CAAP1: variants seen among roughly 807,000 people sequenced by gnomAD.
CAAP1 encodes conserved anti-apoptotic protein.
Under a neutral mutation model 34.0 loss-of-function variants are expected in CAAP1, and 20 were observed. That is an observed-to-expected ratio of 0.59 (90% CI 0.41 to 0.86). The LOEUF is 0.86. Among genes scored for constraint, CAAP1 ranks in the 40% least tolerant of loss-of-function variants. CAAP1 has a pLI of 0.00. For missense variants in CAAP1, 538 were observed against 450.5 expected, an observed-to-expected ratio of 1.19 and a Z score of -1.76; for synonymous variants, 213 against 166.7, an observed-to-expected ratio of 1.28 and a Z score of -2.14.
At chr9:26,848,007 T>C (rs533823570) in intron 5 of CAAP1, among the ~76,000 whole-genome samples, 50 of 152,342 alleles carry the variant, frequency 3.3e-4, no homozygotes, top group African/African-American at 1.1e-3. Context: ...GAGTTTGTCT[T>C]GGCTTAATTT....
intron 5 of CAAP1, among the ~76,000 whole-genome samples, chr9:26,844,423 G>A (rs540018084): frequency 2.8e-4 from 42 of 152,232 alleles, no homozygotes; most frequent in African/African-American, 1.0e-3. Flanking sequence ...GTGTCTCCGA[G>A]GCTTTACCTA....
At chr9:26,862,801 A>G (rs1207337146) in intron 4 of CAAP1, among the ~76,000 whole-genome samples, 1 of 152,168 alleles carries the variant, frequency 6.6e-6, no homozygotes, top group Non-Finnish European at 1.5e-5. Context: ...TCAATGTTAA[A>G]TTTACTCAAG....
chr9:26,866,347 C>G (rs371463448), intron 4 of CAAP1, among the ~76,000 whole-genome samples: 3 of 152,092 alleles, frequency 2.0e-5, no homozygotes, highest in African/African-American at 7.2e-5. Flanking sequence ...AATATGCTAC[C>G]ATTTGTGTGA....
At chr9:26,890,190 T>C (rs901589566) in intron 1 of CAAP1, among the ~76,000 whole-genome samples, 1 of 151,642 alleles carries the variant, frequency 6.6e-6, no homozygotes, top group African/African-American at 2.4e-5. Flanking sequence ...ACCAACATGG[T>C]GAAAACCTTA....
intron 4 of CAAP1, among the ~76,000 whole-genome samples, chr9:26,868,281 C>T (rs1342812171): frequency 6.6e-6 from 1 of 152,034 alleles, no homozygotes; most frequent in African/African-American, 2.4e-5. Flanking sequence ...TTCTGATGAG[C>T]CCAATGTGGT....
At chr9:26,868,586 T>A (rs1823195844) in intron 4 of CAAP1, among the ~76,000 whole-genome samples, 1 of 152,236 alleles carries the variant, frequency 6.6e-6, no homozygotes, top group South Asian at 2.1e-4. Context: ...AACCACTAAG[T>A]TTGTGGTAAT....
intron 4 of CAAP1, chr9:26,880,240 G>C: frequency 2.4e-6 from 1 of 414,668 alleles, no homozygotes. Context: ...TCTTCAAAAA[G>C]GACAACCAGA....
Position 26,869,657 on chromosome 9 carries a change from G to A in CAAP1, c.666-8518C>T, listed in dbSNP as rs115946323. 2.3e-3 allele frequency among the ~76,000 whole-genome samples: 355 copies of A among 152,176 alleles called. 1 individual carries two copies. Among genetic ancestry groups the A allele is most frequent in the African/African-American group, 8.1e-3 (336 of 41,516 alleles). On this transcript the variant is annotated intron_variant, in intron 4 of 5. Coordinates refer to ENST00000333916, the MANE Select transcript of CAAP1 (RefSeq NM_024828.4). ...TAATCTTTTCTTATTAATAGTTAACGTGTTTACATATTTAAATTACACAAT... is the reference window on the plus strand; with the variant it reads ...TAATCTTTTCTTATTAATAGTTAACATGTTTACATATTTAAATTACACAAT...
intron 4 of CAAP1, among the ~76,000 whole-genome samples, chr9:26,867,933 G>C (rs1055405262): frequency 1.2e-4 from 19 of 152,268 alleles, no homozygotes; most frequent in Non-Finnish European, 2.5e-4. Context: ...AAAAGTTTTA[G>C]AAGTATGGTA....
At chr9:26,874,075 CAGGCACCT>C (rs1823355253) in intron 4 of CAAP1, among the ~76,000 whole-genome samples, 1 of 151,726 alleles carries the variant, frequency 6.6e-6, no homozygotes, top group African/African-American at 2.4e-5. Flanking sequence ...GATGTGGTGG[CAGGCACCT>C]GTGGTCCCAG....
At chr9:26,878,973 C>G (rs973762389) in intron 4 of CAAP1, among the ~76,000 whole-genome samples, 2 of 152,146 alleles carry the variant, frequency 1.3e-5, no homozygotes, top group African/African-American at 4.8e-5. Context: ...TTTGGAGAAA[C>G]AGATACACTA....
chr9:26,841,339 GGA>G lies in CAAP1; in HGVS notation c.*960_*961del, dbSNP rs1822475314. On this transcript the variant is annotated 3_prime_UTR_variant, in exon 6 of 6. Coordinates refer to ENST00000333916, the MANE Select transcript of CAAP1 (RefSeq NM_024828.4). Reference sequence around the variant, plus strand: ...CAAACAACTGCAATTAGTGATGGGGGGATAAAAGCATCCCTAATTGTGGAAGG... The same window carrying G: ...CAAACAACTGCAATTAGTGATGGGGGTAAAAGCATCCCTAATTGTGGAAGG... 2.0e-5 allele frequency: 3 copies of G among 152,126 alleles called. No individual in the cohort carries two copies. The highest frequency in any genetic ancestry group is 7.3e-5 in the African/African-American group (3 of 41,290). 9.4% of individuals were successfully genotyped at this position (152,126 alleles called of 1,614,324 possible). A position where few individuals can be genotyped will look rare whatever the true frequency, so the allele number is the denominator to read the frequency against.
At chr9:26,888,459 A>G (rs1224541725) in intron 1 of CAAP1, among the ~76,000 whole-genome samples, 1 of 152,244 alleles carries the variant, frequency 6.6e-6, no homozygotes, top group Non-Finnish European at 1.5e-5. Flanking sequence ...CAGATACTTC[A>G]GACAATTCAA....
chr9:26,843,762 C>G (rs1193554216), intron 5 of CAAP1, among the ~76,000 whole-genome samples: 1 of 152,020 alleles, frequency 6.6e-6, no homozygotes, highest in Non-Finnish European at 1.5e-5. Context: ...CAATTATACT[C>G]CATTGGTTTT....
At chr9:26,859,488 A>G (rs1351054806) in intron 5 of CAAP1, among the ~76,000 whole-genome samples, 1 of 152,180 alleles carries the variant, frequency 6.6e-6, no homozygotes, top group African/African-American at 2.4e-5. Context: ...TTTATAGAAC[A>G]TTCTCTTCTC....
At chr9:26,843,251 A>C (rs1447587660) in intron 5 of CAAP1, among the ~76,000 whole-genome samples, 1 of 152,224 alleles carries the variant, frequency 6.6e-6, no homozygotes, top group Non-Finnish European at 1.5e-5. Context: ...TTTAATTAAC[A>C]AAGTTAGTTC....
At position 26,842,091 on chromosome 9, in the gene CAAP1, C is replaced by A; in HGVS notation, c.*210G>T. On this transcript the variant is annotated 3_prime_UTR_variant, in exon 6 of 6. Coordinates refer to ENST00000333916, the MANE Select transcript of CAAP1 (RefSeq NM_024828.4). ...TATCCAGGCTATCCAACTATATTGC[C>A]ATGAATTCATAAGACAGTAACACAC... 1 of 446,038 alleles carries A rather than the reference C, an allele frequency of 2.2e-6. No homozygotes were observed. The highest frequency in any genetic ancestry group is 3.9e-6 in the Non-Finnish European group (1 of 254,584). 27.6% of individuals were successfully genotyped at this position (446,038 alleles called of 1,614,324 possible). A position where few individuals can be genotyped will look rare whatever the true frequency, so the allele number is the denominator to read the frequency against.
chr9:26,891,175 T>C (rs991327489), intron 1 of CAAP1, among the ~76,000 whole-genome samples: 2 of 152,196 alleles, frequency 1.3e-5, no homozygotes, highest in African/African-American at 4.8e-5. Flanking sequence ...AAACTGTTTC[T>C]ACTCTACCAA....
intron 5 of CAAP1, among the ~76,000 whole-genome samples, chr9:26,846,796 T>C (rs1266138426): frequency 6.6e-6 from 1 of 152,022 alleles, no homozygotes; most frequent in Admixed American, 6.6e-5. Flanking sequence ...CAAGCAATTC[T>C]CCTGCCTCAG....
Sources: gnomAD v4.1 joint callset for allele counts (sites outside exome capture counted in the v4.1 genomes callset) on GRCh38, gnomAD v4.1.1 for gene constraint, MANE v1.5 for transcripts, NCBI Gene and HGNC (gene_info 2026-07-23, HGNC 2026-07-21) for gene names.